The following GTF3C1 variants were observed in gnomAD, a reference collection of about 807,000 sequenced individuals.
GTF3C1 encodes general transcription factor IIIC subunit 1.
Under a neutral mutation model 226.7 loss-of-function variants are expected in GTF3C1, and 57 were observed. That is an observed-to-expected ratio of 0.25 (90% confidence interval 0.20 to 0.31). The LOEUF (loss-of-function observed/expected upper bound fraction) is 0.31. Ranked by LOEUF, GTF3C1 falls within the 10% of genes least tolerant of loss-of-function variation. The probability of loss-of-function intolerance (pLI) is 1.00; values close to 1 mark genes in which losing one functional copy is unlikely to be tolerated. For synonymous variants in GTF3C1, 1,090 were observed against 1,084.8 expected (o/e 1.00, Z -0.09); for missense variants, 2,217 against 2,776.1 (o/e 0.80, Z 4.53).
intron 32 of GTF3C1, chr16:27,466,324 A>C (rs1028367741): frequency 6.6e-6 from 1 of 152,204 alleles, no homozygotes; most frequent in Non-Finnish European, 1.5e-5. Context: ...CATGATTATC[A>C]TATCTGTGAT....
At position 27,461,899 on chromosome 16, in the gene GTF3C1, G is replaced by A; in HGVS notation, c.6118-337C>T. The A allele has an allele frequency of 2.5e-6, 1 of 397,396 alleles. No homozygotes were observed. Among genetic ancestry groups the A allele is most frequent in the Non-Finnish European group, 4.6e-6 (1 of 217,240 alleles). 24.6% of individuals were successfully genotyped at this position (397,396 alleles called of 1,614,324 possible). A position where few individuals can be genotyped will look rare whatever the true frequency, so the allele number is the denominator to read the frequency against. On this transcript the variant is annotated intron_variant, in intron 36 of 36. Coordinates refer to ENST00000356183, the MANE Select transcript of GTF3C1 (RefSeq NM_001520.4). This position sits in a 1 kb window ranked among gnomAD's most constrained non-coding sequence, Gnocchi z 5.3. Reference sequence around the variant, plus strand: ...GGTGGGGTTTTGTTTGGCTCATGGGGAATTTGACACTCAACTTCAAGCTCC... The same window carrying A: ...GGTGGGGTTTTGTTTGGCTCATGGGAAATTTGACACTCAACTTCAAGCTCC...
Position 27,465,354 on chromosome 16 carries a change from C to T in GTF3C1, c.5261G>A (p.Cys1754Tyr). 1 of 1,614,186 alleles carries T rather than the reference C, an allele frequency of 6.2e-7. No individual in the cohort carries two copies. Among genetic ancestry groups the T allele is most frequent in the Non-Finnish European group, 8.5e-7 (1 of 1,180,010 alleles). The stretch of plus-strand genomic sequence containing the variant: ...CAGCTCCTCCTTGTCAATCCCAAAA[C>T]AACCCGTGGCTATAATGGCTTCCAA... ...EILEAIIATG[C>Y]FGIDKEELRR... Residue 1754 changes from cysteine to tyrosine, a missense_variant, in exon 33 of 37, where the codon TGT becomes TAT. Coordinates refer to ENST00000356183, the MANE Select transcript of GTF3C1 (RefSeq NM_001520.4).
At chr16:27,479,312 T>G (rs1429462857) in intron 27 of GTF3C1, among the ~76,000 whole-genome samples, 2 of 146,746 alleles carry the variant, frequency 1.4e-5, no homozygotes, top group African/African-American at 5.1e-5. Context: ...TACAAACCAT[T>G]TCCCCATTTT....
chr16:27,478,329 T>C, intron 28 of GTF3C1, 140 bp downstream of exon 28: 1 of 663,944 alleles, frequency 1.5e-6, no homozygotes, highest in Non-Finnish European at 2.8e-6. Flanking sequence ...AGAATGGGCA[T>C]GGCTGTATGC....
At chr16:27,546,164 A>AAT (rs2089159302) in intron 1 of GTF3C1, among the ~76,000 whole-genome samples, 1 of 152,034 alleles carries the variant, frequency 6.6e-6, no homozygotes, top group Non-Finnish European at 1.5e-5. Flanking sequence ...TCCTCCCTTT[A>AAT]AGATCTCATC....
At chr16:27,501,094 A>ATCC in intron 12 of GTF3C1, 97 bp downstream of exon 12, 1 of 990,362 alleles carries the variant, frequency 1.0e-6, no homozygotes, top group Non-Finnish European at 1.5e-6. Context: ...CACTGGTAAT[A>ATCC]AAGCAACTAC....
rs777194031 is a variant in GTF3C1, at chr16:27,464,619, C to T, written c.5573G>A (p.Arg1858Gln). Residue 1858 changes from arginine to glutamine, a missense_variant, in exon 34 of 37, where the codon CGG becomes CAG. Around this residue, in one of 12 missense-constraint regions of GTF3C1, gnomAD observed 455 missense variants for 441.9 expected, o/e 1.03. Coordinates refer to ENST00000356183, the MANE Select transcript of GTF3C1 (RefSeq NM_001520.4). ...EGQAPPSHSP[R>Q]GTKRRASWAS... ...CCAGCTGGCGCGCCTCTTGGTGCCCCGGGGGCTGTGAGAAGGAGGTGCCTG... is the reference window on the plus strand; with the variant it reads ...CCAGCTGGCGCGCCTCTTGGTGCCCTGGGGGCTGTGAGAAGGAGGTGCCTG... 1.3e-5 allele frequency: 19 copies of T among 1,504,870 alleles called. No homozygotes were observed. Among genetic ancestry groups the T allele is most frequent in the African/African-American group, 2.8e-5 (2 of 70,318 alleles). 93.2% of individuals were successfully genotyped at this position (1,504,870 alleles called of 1,614,324 possible). A position where few individuals can be genotyped will look rare whatever the true frequency, so the allele number is the denominator to read the frequency against.
chr16:27,472,071 T>C (rs376718174), intron 29 of GTF3C1, 151 bp from the exon 30 acceptor site: 9 of 643,752 alleles, frequency 1.4e-5, no homozygotes, highest in East Asian at 5.5e-5. Flanking sequence ...TGTCAGTGAG[T>C]GTGTGTGTGA....
chr16:27,485,370 G>C (rs1357420261), intron 24 of GTF3C1, among the ~76,000 whole-genome samples: 1 of 152,238 alleles, frequency 6.6e-6, no homozygotes, highest in Non-Finnish European at 1.5e-5. Flanking sequence ...CTGCCTTGTG[G>C]ACCAGCCACG....
chr16:27,468,968 C>T (rs1280020232), intron 32 of GTF3C1, among the ~76,000 whole-genome samples: 1 of 152,164 alleles, frequency 6.6e-6, no homozygotes, highest in Non-Finnish European at 1.5e-5. Context: ...CAGGGCCGCC[C>T]GTGGAGAGTG....
chr16:27,507,174 T>A lies in GTF3C1; in HGVS notation c.1243-18A>T, dbSNP rs115543703. The A allele has an allele frequency of 1.2e-3, 1,923 of 1,568,904 alleles. 20 individuals carry two copies. In the African/African-American group the frequency reaches 0.023, roughly 19 times the overall value. On this transcript the variant is annotated intron_variant, in intron 8 of 36. Coordinates refer to ENST00000356183, the MANE Select transcript of GTF3C1 (RefSeq NM_001520.4). The surrounding 1 kb of genome is among the most constrained non-coding windows in gnomAD (Gnocchi z 4.9). ...ATGAATCCCTAGAGGGAATAAGATG[T>A]GTTTATCCCACTGCAAAGAGGGCGT...
intron 33 of GTF3C1, 50 bp from the exon 34 acceptor site, chr16:27,464,886 A>G (rs1230447738): frequency 2.1e-6 from 3 of 1,421,290 alleles, no homozygotes; most frequent in Non-Finnish European, 1.9e-6. Flanking sequence ...GGGATCCTCC[A>G]CGCTGGTGAC....
chr16:27,488,513 G>A (rs1455693721), intron 22 of GTF3C1, 41 bp downstream of exon 22: 3 of 1,574,988 alleles, frequency 1.9e-6, no homozygotes, highest in Non-Finnish European at 1.7e-6. Context: ...CCCTGAACTG[G>A]TACCATATTA....
chr16:27,487,268 C>T (rs548887535), intron 23 of GTF3C1, among the ~76,000 whole-genome samples: 15 of 152,298 alleles, frequency 9.8e-5, no homozygotes, highest in African/African-American at 3.6e-4. Flanking sequence ...TGAACGCCAG[C>T]CAAATAAACC....
chr16:27,520,367 G>A (rs1364439211), intron 6 of GTF3C1, among the ~76,000 whole-genome samples: 1 of 151,942 alleles, frequency 6.6e-6, no homozygotes, highest in Non-Finnish European at 1.5e-5. Flanking sequence ...CACCTGCCTC[G>A]ACCTCCCAAA....
rs1476727386 is a variant in GTF3C1, at chr16:27,461,485, C to T, written c.6195G>A (p.Val2065=). Residue 2065 remains valine (V), a synonymous_variant, in exon 37 of 37, where the codon GTG becomes GTA. Transcript: ENST00000356183. This position sits in a 1 kb window ranked among gnomAD's most constrained non-coding sequence, Gnocchi z 5.3. ...TGGAGGGCACTTCCACCTCTTCCAC[C>T]ACGGGTGTAGAGAAGAGCGAGACAG... ...PRPVSLFSTP[V]VEEVEVPSSL... is the part of the protein sequence containing the mutation. 6.2e-7 allele frequency: 1 copy of T among 1,613,956 alleles called. No homozygotes were observed. The highest frequency in any genetic ancestry group is 8.5e-7 in the Non-Finnish European group (1 of 1,179,910).
intron 11 of GTF3C1, 111 bp from the exon 12 acceptor site, chr16:27,501,455 T>C: frequency 6.6e-6 from 6 of 906,148 alleles, no homozygotes; most frequent in Non-Finnish European, 1.0e-5. Context: ...CAAGGAAGGA[T>C]CAAACGGGGT....
At position 27,476,668 on chromosome 16, in the gene GTF3C1, A is replaced by T. The variant is rs937117460; in HGVS notation, c.4260-124T>A. 75 of 641,450 alleles carry T rather than the reference A, an allele frequency of 1.2e-4. 1 individual carries two copies. Among genetic ancestry groups the T allele is most frequent in the Admixed American group, 2.4e-5 (1 of 41,288 alleles). The allele number at this position is 641,450 out of a possible 1,614,324, so 39.7% of individuals were successfully genotyped here. A position where few individuals can be genotyped will look rare whatever the true frequency, so the allele number is the denominator to read the frequency against. ...GGACACAAATGCCAAAACTATTCAC[A>T]AAAGAAAACACAATATATGATGGTT... On this transcript the variant is annotated intron_variant, in intron 28 of 36. Coordinates refer to ENST00000356183, the MANE Select transcript of GTF3C1 (RefSeq NM_001520.4).
chr16:27,513,410 C>T (rs2088607068), intron 6 of GTF3C1, among the ~76,000 whole-genome samples: 1 of 152,176 alleles, frequency 6.6e-6, no homozygotes, highest in African/African-American at 2.4e-5. Context: ...GCCAAGCTCG[C>T]ACCACTGCAC....
Sources: gnomAD v4.1 joint callset for allele counts (sites outside exome capture counted in the v4.1 genomes callset) on GRCh38, gnomAD v4.1.1 for gene constraint, gnomAD v4.1.1 regional missense constraint, Gnocchi (gnomAD v3.1) non-coding constraint, MANE v1.5 for transcripts, NCBI Gene and HGNC (gene_info 2026-07-23, HGNC 2026-07-21) for gene names.